ATL2: variants seen among roughly 807,000 people sequenced by gnomAD.
The protein encoded by ATL2 is atlastin GTPase 2, also known as atlastin-2.
A neutral mutation model predicts 73.9 loss-of-function variants in ATL2; 31 were observed. The ratio of observed to expected loss-of-function variants is 0.42; its 90% CI spans 0.32 to 0.57. ATL2 has a LOEUF of 0.57. ATL2 is among the 20% of genes least tolerant of loss of function. The pLI, the probability that ATL2 is intolerant of heterozygous loss-of-function variation, is 0.14. For synonymous variants in ATL2, 291 were observed against 237.5 expected, an observed-to-expected ratio of 1.23 and a Z score of -2.07; for missense variants, 738 against 702.6, an observed-to-expected ratio of 1.05 and a Z score of -0.57.
intron 10 of ATL2, among the ~76,000 whole-genome samples, chr2:38,299,650 G>C (rs1667083715): frequency 6.6e-6 from 1 of 152,038 alleles, no homozygotes; most frequent in African/African-American, 2.4e-5. Flanking sequence ...TAGGAATCGA[G>C]AATTACCCAT....
rs193002196 is a variant in ATL2, at chr2:38,327,669, T to A, written c.364-8650A>T. Among the ~76,000 whole-genome samples, 331 of 152,060 alleles carry A rather than the reference T, an allele frequency of 2.2e-3. 3 individuals carry two copies. Among genetic ancestry groups the A allele is most frequent in the Admixed American group, 4.9e-3 (75 of 15,278 alleles). On this transcript the variant is annotated intron_variant, in intron 2 of 12. Transcript: ENST00000378954. Reference sequence around the variant, plus strand: ...AAAAGAAACTGTTGGCCGGGCACAGTGCACATCTGTAATCCCAGCACTTTG... The same window carrying A: ...AAAAGAAACTGTTGGCCGGGCACAGAGCACATCTGTAATCCCAGCACTTTG...
chr2:38,376,073 G>T (rs1368278138), intron 1 of ATL2: 9 of 1,402,350 alleles, frequency 6.4e-6, no homozygotes, highest in Non-Finnish European at 8.5e-6. Context: ...ACACGAGCTC[G>T]TATCTGTATT....
At chr2:38,309,600 T>A (rs183996817) in intron 8 of ATL2, 94 bp from the exon 9 acceptor site, 2 of 1,260,426 alleles carry the variant, frequency 1.6e-6, no homozygotes, top group East Asian at 4.8e-5. Context: ...GAAATAAGAA[T>A]ACATAGTATC....
At chr2:38,317,228 G>T (rs1324770614) in intron 4 of ATL2, among the ~76,000 whole-genome samples, 1 of 152,052 alleles carries the variant, frequency 6.6e-6, no homozygotes, top group African/African-American at 2.4e-5. Flanking sequence ...TATCTTGGGA[G>T]GATCACATAC....
chr2:38,375,996 T>C, intron 1 of ATL2: 2 of 1,248,020 alleles, frequency 1.6e-6, no homozygotes, highest in Non-Finnish European at 2.1e-6. Flanking sequence ...GTGGTTAACA[T>C]CATACCAAAA....
intron 2 of ATL2, among the ~76,000 whole-genome samples, chr2:38,338,986 G>A (rs1467293440): frequency 3.3e-5 from 5 of 152,054 alleles, no homozygotes; most frequent in Admixed American, 2.0e-4. Context: ...AGGCTGAGGC[G>A]GGCAGAATCA....
At chr2:38,355,484 A>G (rs1670604116) in intron 1 of ATL2, among the ~76,000 whole-genome samples, 1 of 152,122 alleles carries the variant, frequency 6.6e-6, no homozygotes, top group African/African-American at 2.4e-5. Flanking sequence ...TTCAAAGTAA[A>G]AGGGGAAAAG....
chr2:38,332,018 TATGG>T (rs1669025328), intron 2 of ATL2, among the ~76,000 whole-genome samples: 1 of 152,188 alleles, frequency 6.6e-6, no homozygotes, highest in African/African-American at 2.4e-5. Context: ...CATGCTATAA[TATGG>T]ATGAACCCTG....
intron 1 of ATL2, chr2:38,376,081 A>G: frequency 1.4e-6 from 2 of 1,446,718 alleles, no homozygotes; most frequent in Non-Finnish European, 1.8e-6. Context: ...TCGTATCTGT[A>G]TTTAATAATA....
In ATL2 at chr2:38,326,059, G is replaced by T. The variant is rs187204011; in HGVS notation, c.364-7040C>A. ...TCCAGACCAGCCTGGGCAACATAAG[G>T]AGACTGTGTCTCAAAAAAGAATAAA... On this transcript the variant is annotated intron_variant, in intron 2 of 12. Coordinates refer to ENST00000378954, the MANE Select transcript of ATL2 (RefSeq NM_001135673.4). Among the ~76,000 whole-genome samples the T allele has an allele frequency of 5.4e-3, 819 of 152,114 alleles. 4 individuals carry two copies. The highest frequency in any genetic ancestry group is 9.2e-3 in the Non-Finnish European group (627 of 67,988).
intron 1 of ATL2, among the ~76,000 whole-genome samples, chr2:38,365,712 T>C (rs1292051909): frequency 1.3e-5 from 2 of 151,966 alleles, no homozygotes; most frequent in African/African-American, 2.4e-5. Flanking sequence ...GGCAGGAGAA[T>C]CACTTGAACC....
chr2:38,314,491 A>C (rs1667923603), intron 6 of ATL2, 117 bp downstream of exon 6: 2 of 657,940 alleles, frequency 3.0e-6, no homozygotes, highest in East Asian at 2.8e-5. Flanking sequence ...GATTGCACTG[A>C]ATCTGTTGCT....
chr2:38,300,386 C>G (rs1005013835), intron 9 of ATL2, 58 bp from the exon 10 acceptor site: 15 of 1,206,038 alleles, frequency 1.2e-5, no homozygotes, highest in Non-Finnish European at 1.8e-5. Context: ...TCCACATCCC[C>G]AAAGAAAGAA....
intron 1 of ATL2, among the ~76,000 whole-genome samples, chr2:38,343,943 T>C (rs554309039): frequency 5.3e-5 from 8 of 152,200 alleles, no homozygotes; most frequent in Non-Finnish European, 1.0e-4. Context: ...TCCGCCATGA[T>C]TGTGAGACCT....
intron 2 of ATL2, among the ~76,000 whole-genome samples, chr2:38,326,527 G>A (rs1477584389): frequency 1.3e-5 from 2 of 152,186 alleles, no homozygotes; most frequent in Non-Finnish European, 2.9e-5. Flanking sequence ...GATCCAGGAA[G>A]AGGACAGAAC....
At chr2:38,304,860 C>T (rs904027258) in intron 9 of ATL2, among the ~76,000 whole-genome samples, 3 of 152,002 alleles carry the variant, frequency 2.0e-5, no homozygotes, top group Admixed American at 6.6e-5. Flanking sequence ...GGAAGACAGG[C>T]AGGTAGGAAG....
At chr2:38,345,319 A>G (rs1421174827) in intron 1 of ATL2, among the ~76,000 whole-genome samples, 1 of 152,214 alleles carries the variant, frequency 6.6e-6, no homozygotes, top group Non-Finnish European at 1.5e-5. Context: ...GTAATACCTT[A>G]TCCACATAAC....
rs111531452 is a variant in ATL2 at position 38,300,975 on chromosome 2, C to CTTTTTTTTT, written c.1072-656_1072-648dup. On this transcript the variant is annotated intron_variant, in intron 9 of 12. Transcript: ENST00000378954. The stretch of plus-strand genomic sequence containing the variant: ...ATATAGGGTCTTTCATCTCAACTTT[C>CTTTTTTTTT]TTTTTTTTTTTTGAGAAGGAATTTC... 7.3e-4 allele frequency among the ~76,000 whole-genome samples: 103 copies of CTTTTTTTTT among 141,330 alleles called. 2 individuals carry two copies. Among genetic ancestry groups the CTTTTTTTTT allele is most frequent in the African/African-American group, 1.8e-3 (67 of 37,414 alleles). 92.7% of individuals were successfully genotyped at this position (141,330 alleles called of 152,430 possible).
chr2:38,335,719 C>A (rs1669320208), intron 2 of ATL2, among the ~76,000 whole-genome samples: 1 of 152,158 alleles, frequency 6.6e-6, no homozygotes, highest in Non-Finnish European at 1.5e-5. Flanking sequence ...GGTTTATACA[C>A]TTTATGTATG....
Sources: gnomAD v4.1 joint callset for allele counts (sites outside exome capture counted in the v4.1 genomes callset) on GRCh38, gnomAD v4.1.1 for gene constraint, MANE v1.5 for transcripts, NCBI Gene and HGNC (gene_info 2026-07-23, HGNC 2026-07-21) for gene names.